The following SYT17 variants were observed in gnomAD, a reference collection of about 807,000 sequenced individuals.
SYT17 encodes the protein synaptotagmin 17, also known as synaptotagmin-17.
In SYT17, 22 loss-of-function variants were observed where a neutral mutation model predicts 46.7. The ratio of observed to expected loss-of-function variants is 0.47; its 90% CI spans 0.34 to 0.67. SYT17 has a LOEUF of 0.67. Among genes scored for constraint, SYT17 ranks in the 30% least tolerant of loss-of-function variants. The probability of loss-of-function intolerance (pLI) is 0.01; values close to 1 mark genes in which losing one functional copy is unlikely to be tolerated. For synonymous variants in SYT17, 251 were observed against 248.4 expected, an observed-to-expected ratio of 1.01 and a Z score of -0.10; for missense variants, 519 against 612.8, an observed-to-expected ratio of 0.85 and a Z score of 1.62.
At chr16:19,191,960 A>G (rs150755570) in intron 5 of SYT17, among the ~76,000 whole-genome samples, 1,535 of 151,892 alleles carry the variant, frequency 0.01, 29 homozygotes, top group African/African-American at 0.035. Context: ...AATTTTTTGT[A>G]TTTTTAGTAG....
Position 19,264,573 on chromosome 16 carries a change from C to T in SYT17, c.1229-2307C>T, listed in dbSNP as rs147490435. Among the ~76,000 whole-genome samples, 167 of 148,702 alleles carry T rather than the reference C, an allele frequency of 1.1e-3. 1 individual carries two copies. The Middle Eastern group carries it at 0.021, about 19-fold the overall frequency. On this transcript the variant is annotated intron_variant, in intron 7 of 7. Coordinates refer to ENST00000355377, the MANE Select transcript of SYT17 (RefSeq NM_016524.4). ...TTTCCACCAGCGGCACATGAGAGTACGTGAGACTGAGATTTCCCCCACCTT... is the reference window on the plus strand; with the variant it reads ...TTTCCACCAGCGGCACATGAGAGTATGTGAGACTGAGATTTCCCCCACCTT...
chr16:19,207,862 C>T (rs1178730074), intron 5 of SYT17, among the ~76,000 whole-genome samples: 1 of 152,000 alleles, frequency 6.6e-6, no homozygotes, highest in East Asian at 1.9e-4. Flanking sequence ...CACACCACTG[C>T]ACTCCAGCTT....
At position 19,228,279 on chromosome 16, in the gene SYT17, A is replaced by G. The variant is rs569706698; in HGVS notation, c.1228+3441A>G. Among the ~76,000 whole-genome samples, 617 of 152,302 alleles carry G rather than the reference A, an allele frequency of 4.1e-3. 5 individuals are homozygous for G. Among genetic ancestry groups the G allele is most frequent in the Non-Finnish European group, 6.5e-3 (440 of 68,024 alleles). On this transcript the variant is annotated intron_variant, in intron 7 of 7. Coordinates refer to ENST00000355377, the MANE Select transcript of SYT17 (RefSeq NM_016524.4). ...TCAGGTGGCAACTGTCAGCTGGGGC[A>G]GTGGTCAGCTGATGCTGTCAGGGAA... is the stretch of plus-strand genomic sequence containing the variant.
chr16:19,231,323 C>T (rs1174150097), intron 7 of SYT17, among the ~76,000 whole-genome samples: 1 of 152,058 alleles, frequency 6.6e-6, no homozygotes, highest in Non-Finnish European at 1.5e-5. Context: ...GTAATTCCAA[C>T]ACTGTGGGAG....
chr16:19,208,314 A>T (rs1965749556), intron 5 of SYT17, among the ~76,000 whole-genome samples: 1 of 152,156 alleles, frequency 6.6e-6, no homozygotes, highest in Admixed American at 6.5e-5. Flanking sequence ...AGTCCTTCAC[A>T]CTGCTATAAA....
chr16:19,168,250 C>G lies in SYT17; in HGVS notation c.-397C>G, dbSNP rs1023096631. ...TCCCCCGCCTCCTGCGCGCTCCGGC[C>G]CCGGCGTCTCCGGCCCCGCCTGCGC... On this transcript the variant is annotated 5_prime_UTR_variant, in exon 1 of 8. Transcript: ENST00000355377. This position sits in a 1 kb window ranked among gnomAD's most constrained non-coding sequence, Gnocchi z 6.9. The G allele has an allele frequency of 2.5e-4, 54 of 214,440 alleles. No homozygotes were observed. The highest frequency in any genetic ancestry group is 6.1e-4 in the Admixed American group (10 of 16,274). 13.3% of individuals were successfully genotyped at this position (214,440 alleles called of 1,614,324 possible). A position where few individuals can be genotyped will look rare whatever the true frequency, so the allele number is the denominator to read the frequency against.
chr16:19,209,321 A>G (rs1965798867), intron 5 of SYT17, among the ~76,000 whole-genome samples: 1 of 152,218 alleles, frequency 6.6e-6, no homozygotes, highest in Non-Finnish European at 1.5e-5. Context: ...AGAAATTAAT[A>G]AGAGAAAGAC....
chr16:19,191,743 G>A (rs1156784241), intron 5 of SYT17, among the ~76,000 whole-genome samples: 8 of 152,164 alleles, frequency 5.3e-5, no homozygotes, highest in African/African-American at 1.7e-4. Flanking sequence ...TCTAGGGGAT[G>A]TATCTAAGAG....
At chr16:19,181,041 A>G (rs1964534868) in intron 4 of SYT17, among the ~76,000 whole-genome samples, 1 of 152,188 alleles carries the variant, frequency 6.6e-6, no homozygotes, top group Non-Finnish European at 1.5e-5. Flanking sequence ...CAAATGCCCC[A>G]TTGAAAGGGG....
At chr16:19,208,971 C>CA (rs1191505080) in intron 5 of SYT17, among the ~76,000 whole-genome samples, 1 of 135,284 alleles carries the variant, frequency 7.4e-6, no homozygotes, top group Non-Finnish European at 1.5e-5. Context: ...TGGCTCACTG[C>CA]AATCTCTGCC....
At chr16:19,172,900 C>T (rs1036845935) in intron 2 of SYT17, 123 bp downstream of exon 2, 41 of 1,225,966 alleles carry the variant, frequency 3.3e-5, no homozygotes, top group East Asian at 3.3e-4. Flanking sequence ...GTGTTAATAA[C>T]GGCACAGTTT....
rs746116800 is a variant in SYT17 at position 19,168,597 on chromosome 16, TGGCCGTGGC to T, written c.-46_-38del. ...CCCTCCGCTGTTGGCGAGGGCAAAG[TGGCCGTGGC>T]GGCGCCATGCCCGGGCCGGAGTGAG... On this transcript the variant is annotated 5_prime_UTR_variant, in exon 1 of 8. Transcript: ENST00000355377. The surrounding 1 kb of genome is among the most constrained non-coding windows in gnomAD (Gnocchi z 6.9). The T allele has an allele frequency of 5.0e-5, 77 of 1,542,280 alleles. No homozygotes were observed. Among genetic ancestry groups the T allele is most frequent in the Admixed American group, 1.2e-4 (6 of 50,634 alleles).
chr16:19,263,845 A>G (rs1332290024), intron 7 of SYT17, among the ~76,000 whole-genome samples: 1 of 152,172 alleles, frequency 6.6e-6, no homozygotes, highest in Admixed American at 6.5e-5. Flanking sequence ...CCAGACAGAT[A>G]GCAGATATGT....
intron 2 of SYT17, 54 bp from the exon 3 acceptor site, chr16:19,173,376 C>CCG: frequency 1.6e-5 from 7 of 430,568 alleles, no homozygotes; most frequent in South Asian, 3.3e-5. Context: ...CTTCCCCACC[C>CCG]TGCCCACCTC....
intron 5 of SYT17, among the ~76,000 whole-genome samples, chr16:19,203,874 A>T (rs1209061930): frequency 1.3e-5 from 2 of 152,148 alleles, no homozygotes; most frequent in African/African-American, 4.8e-5. Context: ...GATGGTCTGG[A>T]ATGTTCTGTT....
intron 7 of SYT17, among the ~76,000 whole-genome samples, chr16:19,256,585 A>G (rs1597043730): frequency 1.2e-5 from 1 of 85,390 alleles, no homozygotes; most frequent in South Asian, 5.0e-4. Flanking sequence ...TATTATTATT[A>G]TTATTATTAT....
chr16:19,188,438 A>G (rs1455706174), intron 5 of SYT17, among the ~76,000 whole-genome samples: 4 of 149,218 alleles, frequency 2.7e-5, no homozygotes, highest in African/African-American at 9.9e-5. Flanking sequence ...CTGCCATGAC[A>G]CGAGTTTACC....
In SYT17 at chr16:19,180,451, G is replaced by A; in HGVS notation, c.243G>A (p.Pro81=). The change falls in exon 4 of 8, where the codon CCG becomes CCA. Residue 81 remains proline (P), a synonymous_variant. Coordinates refer to ENST00000355377, the MANE Select transcript of SYT17 (RefSeq NM_016524.4). ...GDSVHTASEV[P]LTPRTNSPDG... is the part of the protein sequence containing the mutation. ...CTGTCCACACGGCCAGCGAAGTCCC[G>A]CTGACCCCACGGACCAATTCCCCGG... The A allele has an allele frequency of 4.3e-6, 7 of 1,614,164 alleles. No individual in the cohort carries two copies. Among genetic ancestry groups the A allele is most frequent in the Non-Finnish European group, 3.4e-6 (4 of 1,180,036 alleles).
At chr16:19,218,247 G>A (rs556061592) in intron 5 of SYT17, among the ~76,000 whole-genome samples, 7 of 152,292 alleles carry the variant, frequency 4.6e-5, no homozygotes, top group East Asian at 1.9e-4. Context: ...TTACATGAGC[G>A]TTTATTAAAT....
Sources: gnomAD v4.1 joint callset for allele counts (sites outside exome capture counted in the v4.1 genomes callset) on GRCh38, gnomAD v4.1.1 for gene constraint, Gnocchi (gnomAD v3.1) non-coding constraint, MANE v1.5 for transcripts, NCBI Gene and HGNC (gene_info 2026-07-23, HGNC 2026-07-21) for gene names.